The following WIPF2 variants were observed in gnomAD, a reference collection of about 807,000 sequenced individuals.
WIPF2 encodes the protein WAS/WASL interacting protein family member 2, also known as WAS/WASL-interacting protein family member 2.
WIPF2 carries 23 observed loss-of-function variants against 38.8 expected under a neutral mutation model. The observed-to-expected ratio is 0.59, with a 90% CI of 0.43 to 0.84. WIPF2 has a LOEUF of 0.84. Ranked by LOEUF, WIPF2 falls within the 40% of genes least tolerant of loss-of-function variation. The pLI, the probability that WIPF2 is intolerant of heterozygous loss-of-function variation, is 0.00. For missense variants in WIPF2, 574 were observed against 580.5 expected (o/e 0.99, Z 0.11); for synonymous variants, 210 against 223.2 (o/e 0.94, Z 0.53).
intron 1 of WIPF2, among the ~76,000 whole-genome samples, chr17:40,228,305 G>A (rs955462340): frequency 1.3e-5 from 2 of 151,904 alleles, no homozygotes; most frequent in Admixed American, 6.6e-5. Context: ...GTGAGCCACC[G>A]CGCCCGGCCA....
At chr17:40,220,585 A>ATATATATATATG (rs2030150049) in intron 1 of WIPF2, 1 of 65,870 alleles carries the variant, frequency 1.5e-5, no homozygotes, top group Non-Finnish European at 2.8e-5. Flanking sequence ...ATATATATAT[A>ATATATATATATG]TATATATATA....
rs2032574071 is a variant in WIPF2, at chr17:40,282,531, T to G, written c.*4306T>G. 6.6e-6 allele frequency: 1 copy of G among 152,248 alleles called. No individual in the cohort carries two copies. Among genetic ancestry groups the G allele is most frequent in the Non-Finnish European group, 1.5e-5 (1 of 68,040 alleles). 9.4% of individuals were successfully genotyped at this position (152,248 alleles called of 1,614,324 possible). On this transcript the variant is annotated 3_prime_UTR_variant, in exon 8 of 8. Transcript: ENST00000323571. ...TTAGAAAATAATTTATTGTATGATTTATTTTGGAGTTATATTCTGATTACA... is the reference window on the plus strand; with the variant it reads ...TTAGAAAATAATTTATTGTATGATTGATTTTGGAGTTATATTCTGATTACA...
intron 1 of WIPF2, among the ~76,000 whole-genome samples, chr17:40,236,005 C>CCCGAG (rs1244544354): frequency 6.6e-6 from 1 of 151,526 alleles, no homozygotes; most frequent in Non-Finnish European, 1.5e-5. Context: ...GTCACCCAGG[C>CCCGAG]CCGAGTGCAG....
intron 4 of WIPF2, 143 bp downstream of exon 4, chr17:40,262,784 C>T (rs753631093): frequency 6.1e-6 from 4 of 650,600 alleles, no homozygotes; most frequent in Non-Finnish European, 1.1e-5. Flanking sequence ...GAATAGAATA[C>T]AGCAAAAGCT....
At chr17:40,234,298 G>A (rs919632640) in intron 1 of WIPF2, among the ~76,000 whole-genome samples, 13 of 151,464 alleles carry the variant, frequency 8.6e-5, no homozygotes, top group African/African-American at 2.4e-4. Context: ...CTCGGGAGGC[G>A]CATGCCTGTA....
At chr17:40,257,469 A>G (rs1642157079) in intron 2 of WIPF2, among the ~76,000 whole-genome samples, 1 of 152,138 alleles carries the variant, frequency 6.6e-6, no homozygotes, top group Admixed American at 6.6e-5. Context: ...ACCAAGCAGG[A>G]AGCTACTTTA....
intron 1 of WIPF2, among the ~76,000 whole-genome samples, chr17:40,222,487 A>G (rs1437758060): frequency 6.6e-6 from 1 of 150,720 alleles, no homozygotes; most frequent in Non-Finnish European, 1.5e-5. Flanking sequence ...CAGCCTGGGC[A>G]ACAAGAGCGA....
At chr17:40,260,394 C>A (rs891878716) in intron 2 of WIPF2, 141 bp from the exon 3 acceptor site, 15 of 925,192 alleles carry the variant, frequency 1.6e-5, no homozygotes, top group Admixed American at 1.1e-4. Context: ...ACCATGTTGG[C>A]CAGGATGGTC....
rs933638999 is a variant in WIPF2 at position 40,279,127 on chromosome 17, G to A, written c.*902G>A. 1.3e-5 allele frequency: 2 copies of A among 152,278 alleles called. No homozygotes were observed. Among genetic ancestry groups the A allele is most frequent in the Non-Finnish European group, 2.9e-5 (2 of 68,076 alleles). 9.4% of individuals were successfully genotyped at this position (152,278 alleles called of 1,614,324 possible). A position where few individuals can be genotyped will look rare whatever the true frequency, so the allele number is the denominator to read the frequency against. ...ACCTCTGGTGGGAGATAGGAAGATA[G>A]GGCGTGGGCCTGGGCCTTAACCTCA... is the stretch of plus-strand genomic sequence containing the variant. On this transcript the variant is annotated 3_prime_UTR_variant, in exon 8 of 8. Transcript: ENST00000323571.
intron 1 of WIPF2, among the ~76,000 whole-genome samples, chr17:40,253,382 A>G (rs780283980): frequency 1.3e-5 from 2 of 152,010 alleles, no homozygotes; most frequent in African/African-American, 2.4e-5. Context: ...TTTGTTTCCT[A>G]CTAGCTTTCT....
At chr17:40,265,563 G>T (rs182713667) in intron 5 of WIPF2, among the ~76,000 whole-genome samples, 1 of 152,248 alleles carries the variant, frequency 6.6e-6, no homozygotes, top group Non-Finnish European at 1.5e-5. Flanking sequence ...TGCAGGCAGT[G>T]GGAACAACAA....
chr17:40,253,516 C>T (rs1049989832), intron 1 of WIPF2, among the ~76,000 whole-genome samples: 4 of 152,172 alleles, frequency 2.6e-5, no homozygotes, highest in African/African-American at 4.8e-5. Context: ...AAATTCCTTT[C>T]CCCCACCTGG....
intron 1 of WIPF2, among the ~76,000 whole-genome samples, chr17:40,230,004 C>T (rs543875397): frequency 6.6e-6 from 1 of 152,188 alleles, no homozygotes; most frequent in East Asian, 1.9e-4. Flanking sequence ...GAAAAACAGA[C>T]AGGTAGGAGG....
intron 6 of WIPF2, among the ~76,000 whole-genome samples, chr17:40,275,524 T>C (rs975684273): frequency 1.3e-5 from 2 of 152,072 alleles, no homozygotes; most frequent in Non-Finnish European, 2.9e-5. Flanking sequence ...TTGAGGACCC[T>C]TGGAAGAAAT....
intron 6 of WIPF2, 128 bp downstream of exon 6, chr17:40,274,127 C>G: frequency 1.4e-6 from 1 of 709,436 alleles, no homozygotes; most frequent in Non-Finnish European, 2.2e-6. Flanking sequence ...CAATAGTTCT[C>G]CTGCTGACTT....
intron 1 of WIPF2, among the ~76,000 whole-genome samples, chr17:40,250,911 ATTC>A (rs1295832302): frequency 9.0e-6 from 1 of 111,248 alleles, no homozygotes; most frequent in Non-Finnish European, 1.9e-5. Context: ...TAGCTATTAG[ATTC>A]TTTTTTTTTT....
chr17:40,271,986 C>T (rs917117421), intron 5 of WIPF2, among the ~76,000 whole-genome samples: 2 of 151,760 alleles, frequency 1.3e-5, no homozygotes, highest in African/African-American at 4.8e-5. Flanking sequence ...TTTGGAATCA[C>T]CAAAAAGCAG....
intron 1 of WIPF2, among the ~76,000 whole-genome samples, chr17:40,230,173 T>C (rs1014836263): frequency 8.5e-5 from 13 of 152,066 alleles, no homozygotes; most frequent in Non-Finnish European, 1.6e-4. Flanking sequence ...CCCCCCAGTC[T>C]CTATATAATT....
chr17:40,222,677 T>G (rs1313968397), intron 1 of WIPF2, among the ~76,000 whole-genome samples: 25 of 109,324 alleles, frequency 2.3e-4, no homozygotes, highest in African/African-American at 8.0e-4. Flanking sequence ...TTTTTTTTTT[T>G]TTTTTTTTTT....
Sources: allele counts gnomAD v4.1 joint callset (sites outside exome capture counted in the v4.1 genomes callset), GRCh38; gene constraint gnomAD v4.1.1; transcripts MANE v1.5; gene names NCBI Gene and HGNC (gene_info 2026-07-23, HGNC 2026-07-21).